The following TSGA10 variants were observed in gnomAD, a reference collection of about 807,000 sequenced individuals.
The protein encoded by TSGA10 is testis-specific gene 10 protein.
Under a neutral mutation model 96.6 loss-of-function variants are expected in TSGA10, and 43 were observed. That is an observed-to-expected ratio of 0.44 (90% CI 0.35 to 0.57). The LOEUF (loss-of-function observed/expected upper bound fraction) is 0.57. Among genes scored for constraint, TSGA10 ranks in the 20% least tolerant of loss-of-function variants. The pLI, the probability that TSGA10 is intolerant of heterozygous loss-of-function variation, is 0.01. For synonymous variants in TSGA10, 229 were observed against 269.9 expected, an observed-to-expected ratio of 0.85 and a Z score of 1.48; for missense variants, 703 against 834.4, an observed-to-expected ratio of 0.84 and a Z score of 1.94.
chr2:99,120,238 G>C (rs989883655), intron 2 of TSGA10, among the ~76,000 whole-genome samples: 11 of 152,050 alleles, frequency 7.2e-5, no homozygotes, highest in African/African-American at 2.7e-4. Flanking sequence ...CAAATTATTA[G>C]TAATATAAAT....
At chr2:99,024,970 G>A (rs962325214) in intron 17 of TSGA10, among the ~76,000 whole-genome samples, 7 of 152,114 alleles carry the variant, frequency 4.6e-5, no homozygotes, top group Admixed American at 4.6e-4. Context: ...AACCAACCCA[G>A]CATTCATGGA....
At chr2:99,052,855 G>T (rs1191404282) in intron 16 of TSGA10, among the ~76,000 whole-genome samples, 1 of 152,130 alleles carries the variant, frequency 6.6e-6, no homozygotes, top group African/African-American at 2.4e-5. Context: ...GATCACCTGA[G>T]CTCAGGAGTT....
chr2:99,030,008 A>G (rs1431743830), intron 17 of TSGA10, among the ~76,000 whole-genome samples: 2 of 152,242 alleles, frequency 1.3e-5, no homozygotes, highest in African/African-American at 4.8e-5. Context: ...TAGAACTAGT[A>G]AGTGGATTTG....
intron 16 of TSGA10, among the ~76,000 whole-genome samples, chr2:99,055,197 C>A (rs1361384543): frequency 6.6e-6 from 1 of 152,084 alleles, no homozygotes; most frequent in Non-Finnish European, 1.5e-5. Flanking sequence ...AGAAATCCTG[C>A]CATTTGTGAC....
At position 99,035,585 on chromosome 2, in the gene TSGA10, G is replaced by A. The variant is rs1011854374; in HGVS notation, c.1405-146C>T. ...TAAATAATACAGGTGGTAACAATATGTACAAAACAGTCTAAGATAAATTCA... is the reference window on the plus strand; with the variant it reads ...TAAATAATACAGGTGGTAACAATATATACAAAACAGTCTAAGATAAATTCA... On this transcript the variant is annotated intron_variant, in intron 16 of 20. Coordinates refer to ENST00000393483, the MANE Select transcript of TSGA10 (RefSeq NM_025244.4). The A allele has an allele frequency of 3.9e-5, 17 of 438,290 alleles. No individual in the cohort carries two copies. In the Admixed American group the frequency reaches 5.9e-4, roughly 15 times the overall value. The allele number at this position is 438,290 out of a possible 1,614,324, so 27.2% of individuals were successfully genotyped here. A position where few individuals can be genotyped will look rare whatever the true frequency, so the allele number is the denominator to read the frequency against.
At chr2:99,049,740 G>GAAAAAAAAAAAAAAAAA (rs57254972) in intron 16 of TSGA10, among the ~76,000 whole-genome samples, 2 of 145,582 alleles carry the variant, frequency 1.4e-5, no homozygotes, top group African/African-American at 2.5e-5. Flanking sequence ...TTAAAAAAAA[G>GAAAAAAAAAAAAAAAAA]AAAAAAAAAA....
At position 99,038,663 on chromosome 2, in the gene TSGA10, C is replaced by G. The variant is rs923940328; in HGVS notation, c.1405-3224G>C. ...GAGCTCCCAAATTTATAAGCAATTA[C>G]TACTAGACCTAAAAAATGAGATAGA... On this transcript the variant is annotated intron_variant, in intron 16 of 20. Transcript: ENST00000393483. 3.9e-5 allele frequency among the ~76,000 whole-genome samples: 6 copies of G among 152,246 alleles called. No homozygotes were observed. The East Asian group carries it at 1.2e-3, about 29-fold the overall frequency.
chr2:99,065,238 C>T, intron 15 of TSGA10, 114 bp from the exon 16 acceptor site: 1 of 1,146,396 alleles, frequency 8.7e-7, no homozygotes, highest in Non-Finnish European at 1.2e-6. Flanking sequence ...TATAATAGAA[C>T]CCTGAGGAAA....
intron 17 of TSGA10, among the ~76,000 whole-genome samples, chr2:99,022,251 A>G (rs573139454): frequency 6.9e-6 from 1 of 145,600 alleles, no homozygotes; most frequent in Non-Finnish European, 1.5e-5. Context: ...GCTTGAGCCC[A>G]GAAGTTGAGG....
At chr2:99,152,319 C>T (rs1487956603) in intron 1 of TSGA10, among the ~76,000 whole-genome samples, 1 of 152,200 alleles carries the variant, frequency 6.6e-6, no homozygotes, top group African/African-American at 2.4e-5. Flanking sequence ...GATGGTCTCA[C>T]TCTGTTGCCC....
Position 99,049,378 on chromosome 2 carries a change from C to T in TSGA10, c.1405-13939G>A, listed in dbSNP as rs542094827. On this transcript the variant is annotated intron_variant, in intron 16 of 20. Transcript: ENST00000393483. ...GGATAAAGAAAATGTGGCACATATA[C>T]GCTATGGAATACTATGCAGCCATAA... is the stretch of plus-strand genomic sequence containing the variant. 9.2e-5 allele frequency among the ~76,000 whole-genome samples: 14 copies of T among 152,260 alleles called. 1 individual carries two copies. In the East Asian group the frequency reaches 1.4e-3, roughly 15 times the overall value.
chr2:99,098,333 G>A lies in TSGA10; in HGVS notation c.611+5634C>T, dbSNP rs547578776. ...GGGCACCTGTAGTCCCAGTTACTTG[G>A]GAGGCTGAGGCAGGAGAATGGCATG... On this transcript the variant is annotated intron_variant, in intron 10 of 20. Transcript: ENST00000393483. Among the ~76,000 whole-genome samples the A allele has an allele frequency of 2.3e-4, 35 of 151,312 alleles. 1 individual carries two copies. The highest frequency in any genetic ancestry group is 8.2e-4 in the African/African-American group (34 of 41,254).
chr2:99,071,808 C>T lies in TSGA10; in HGVS notation c.1005G>A (p.Glu335=), dbSNP rs377460979. Residue 335 remains glutamate (E), a synonymous_variant, in exon 14 of 21, where the codon GAG becomes GAA. Transcript: ENST00000393483. ...DVSRMRRQLD[E]TNDELAQIAR... is the part of the protein sequence containing the mutation. ...CGATCTGGGCCAGCTCATCATTTGT[C>T]TCATCCAATTGCCGACGCATTCTGG... 5 of 1,613,892 alleles carry T rather than the reference C, an allele frequency of 3.1e-6. No individual in the cohort carries two copies. The African/African-American group carries it at 6.7e-5, about 22-fold the overall frequency.
At chr2:99,102,928 TAC>T (rs1440591258) in intron 10 of TSGA10, among the ~76,000 whole-genome samples, 4 of 152,210 alleles carry the variant, frequency 2.6e-5, no homozygotes, top group South Asian at 2.1e-4. Context: ...TGTTTGTACT[TAC>T]AGTTTTAGAA....
At chr2:99,091,308 C>A (rs1170910825) in intron 10 of TSGA10, among the ~76,000 whole-genome samples, 1 of 152,134 alleles carries the variant, frequency 6.6e-6, no homozygotes, top group East Asian at 1.9e-4. Context: ...ATACATCAAA[C>A]AGAACCTCCT....
At chr2:99,101,566 G>A (rs1288891240) in intron 10 of TSGA10, among the ~76,000 whole-genome samples, 4 of 150,898 alleles carry the variant, frequency 2.7e-5, no homozygotes, top group African/African-American at 9.7e-5. Flanking sequence ...ATACCCAGAG[G>A]ATAAAAAAGA....
At chr2:99,136,119 A>G (rs909403210) in intron 1 of TSGA10, among the ~76,000 whole-genome samples, 2 of 152,042 alleles carry the variant, frequency 1.3e-5, no homozygotes, top group Admixed American at 1.3e-4. Context: ...AGCACTATAT[A>G]TATTATTTAC....
At position 99,144,041 on chromosome 2, in the gene TSGA10, G is replaced by A. The variant is rs1218514561; in HGVS notation, c.-621+10652C>T. Among the ~76,000 whole-genome samples the A allele has an allele frequency of 2.0e-5, 3 of 151,516 alleles. No individual in the cohort carries two copies. The South Asian group carries it at 6.2e-4, about 32-fold the overall frequency. ...TCCTTTTTTTTGTTTGTTTTTTTGA[G>A]ATGGAGTCTCGCTTTGTCTCCCAGG... On this transcript the variant is annotated intron_variant, in intron 1 of 20. Coordinates refer to ENST00000393483, the MANE Select transcript of TSGA10 (RefSeq NM_025244.4).
At chr2:99,079,103 A>C (rs1262125778) in intron 11 of TSGA10, among the ~76,000 whole-genome samples, 1 of 152,198 alleles carries the variant, frequency 6.6e-6, no homozygotes, top group Non-Finnish European at 1.5e-5. Flanking sequence ...GTATGATGGG[A>C]AAAGAGAGAG....
Sources: gnomAD v4.1 joint callset for allele counts (sites outside exome capture counted in the v4.1 genomes callset) on GRCh38, gnomAD v4.1.1 for gene constraint, MANE v1.5 for transcripts, NCBI Gene and HGNC (gene_info 2026-07-23, HGNC 2026-07-21) for gene names.